The following PHF3 variants were observed in gnomAD, a reference collection of about 807,000 sequenced individuals.
PHF3 encodes the protein PHD finger protein 3.
In PHF3, 41 loss-of-function variants were observed where a neutral mutation model predicts 178.4. That is an observed-to-expected ratio of 0.23 (90% CI 0.18 to 0.30). The LOEUF (loss-of-function observed/expected upper bound fraction) is 0.30. Among genes scored for constraint, PHF3 ranks in the 10% least tolerant of loss-of-function variants. PHF3 has a pLI of 1.00. For missense variants in PHF3, 2,346 were observed against 2,398.1 expected (o/e 0.98, Z 0.45); for synonymous variants, 842 against 800.5 (o/e 1.05, Z -0.88).
chr6:63,693,955 A>G (rs185668949), intron 5 of PHF3, among the ~76,000 whole-genome samples: 40 of 152,358 alleles, frequency 2.6e-4, no homozygotes, highest in Non-Finnish European at 4.6e-4. Flanking sequence ...AACCAGACAA[A>G]TAAATAAAAA....
chr6:63,714,963 A>C lies in PHF3; in HGVS notation c.*1255A>C, dbSNP rs937618179. ...CATGGTTTTGATGGCTGTAATTTAA[A>C]GTAAGAGCTATCAAATGATGCTGAC... On this transcript the variant is annotated 3_prime_UTR_variant, in exon 16 of 16. Transcript: ENST00000262043. 2 of 151,994 alleles carry C rather than the reference A, an allele frequency of 1.3e-5. No individual in the cohort carries two copies. Among genetic ancestry groups the C allele is most frequent in the African/African-American group, 2.4e-5 (1 of 41,458 alleles). The allele number at this position is 151,994 out of a possible 1,614,324, so 9.4% of individuals were successfully genotyped here.
intron 2 of PHF3, among the ~76,000 whole-genome samples, chr6:63,670,219 C>CAT (rs1417925375): frequency 1.3e-5 from 2 of 152,118 alleles, no homozygotes; most frequent in Non-Finnish European, 2.9e-5. Flanking sequence ...CTGACTTCTG[C>CAT]ATGGGTTAGT....
At position 63,713,520 on chromosome 6, in the gene PHF3, G is replaced by A. The variant is rs1768064637; in HGVS notation, c.5932G>A (p.Asp1978Asn). Residue 1978 changes from aspartate to asparagine, a missense_variant, in exon 16 of 16, where the codon GAT becomes AAT. By Grantham distance (23) the Asp-to-Asn change is conservative. Coordinates refer to ENST00000262043, the MANE Select transcript of PHF3 (RefSeq NM_001370348.2). ...AGAGAGGGCACGGTTATCACATGGT[G>A]ATCGAGGAACAGATGGAAAAGCAAG... is the stretch of plus-strand genomic sequence containing the variant. ...DKERARLSHG[D>N]RGTDGKASRD... is the part of the protein sequence containing the mutation. The A allele has an allele frequency of 3.7e-6, 6 of 1,613,642 alleles. No homozygotes were observed. Among genetic ancestry groups the A allele is most frequent in the Non-Finnish European group, 4.2e-6 (5 of 1,179,924 alleles).
At chr6:63,707,793 C>G (rs570143852) in intron 13 of PHF3, among the ~76,000 whole-genome samples, 6 of 150,784 alleles carry the variant, frequency 4.0e-5, no homozygotes, top group African/African-American at 1.5e-4. Context: ...TAGTTTAATT[C>G]AATGTAATAC....
rs1013804511 is a variant in PHF3, at chr6:63,724,732, G to A, written c.*11024G>A. ...GTTTTAAATTTTACACTACTTGAGAGTACTCAAATTATTAACCTCTAAAGA... is the reference window on the plus strand; with the variant it reads ...GTTTTAAATTTTACACTACTTGAGAATACTCAAATTATTAACCTCTAAAGA... On this transcript the variant is annotated 3_prime_UTR_variant, in exon 16 of 16. Coordinates refer to ENST00000262043, the MANE Select transcript of PHF3 (RefSeq NM_001370348.2). 2.6e-5 allele frequency among the ~76,000 whole-genome samples: 4 copies of A among 151,996 alleles called. No individual in the cohort carries two copies. The highest frequency in any genetic ancestry group is 1.3e-4 in the Admixed American group (2 of 15,260).
At chr6:63,669,724 A>T (rs566086074) in intron 2 of PHF3, among the ~76,000 whole-genome samples, 9 of 152,178 alleles carry the variant, frequency 5.9e-5, no homozygotes, top group Non-Finnish European at 1.2e-4. Flanking sequence ...GATGTAAGGG[A>T]TTACCCATTC....
Position 63,712,004 on chromosome 6 carries a change from C to T in PHF3, c.4416C>T (p.Ser1472=), listed in dbSNP as rs1297248506. The T allele has an allele frequency of 6.2e-7, 1 of 1,613,602 alleles. No homozygotes were observed. Among genetic ancestry groups the T allele is most frequent in the East Asian group, 2.2e-5 (1 of 44,854 alleles). The change falls in exon 16 of 16, where the codon AGC becomes AGT. Residue 1472 remains serine (S), a synonymous_variant. Transcript: ENST00000262043. ...TTCCTGTGGATGATATACTTCAAAG[C>T]CTTTTGGGCACCACTGGTCAAGTAT... is the stretch of plus-strand genomic sequence containing the variant. ...KPLPVDDILQ[S]LLGTTGQVYD...
intron 12 of PHF3, 29 bp from the exon 13 acceptor site, chr6:63,706,700 T>A: frequency 6.2e-7 from 1 of 1,608,266 alleles, no homozygotes; most frequent in East Asian, 2.2e-5. Context: ...CATCAGCTTG[T>A]CTTTAGGCTT....
At chr6:63,638,020 C>G (rs1229550168) in intron 1 of PHF3, among the ~76,000 whole-genome samples, 6 of 152,072 alleles carry the variant, frequency 3.9e-5, no homozygotes, top group African/African-American at 1.4e-4. Flanking sequence ...TCATGTTGAT[C>G]TTATGGTATA....
At position 63,692,008 on chromosome 6, in the gene PHF3, G is replaced by A; in HGVS notation, c.2461G>A (p.Asp821Asn). ...AAATGATAGAACCAAATATATAGAT[G>A]ATACAGTGAAGCACAAGGTCAAAAT... Reference protein sequence around the residue: ...TTNDRTKYIDDTVKHKVKILK... With the variant: ...TTNDRTKYIDNTVKHKVKILK... Residue 821 changes from aspartate to asparagine, a missense_variant, in exon 5 of 16, where the codon GAT (aspartate) becomes AAT (asparagine). Asp to Asn is a conservative substitution (Grantham distance 23). This residue lies in a region of PHF3 where 252 missense variants were observed against 232.0 expected (regional missense o/e 1.09). Transcript: ENST00000262043. 2 of 1,611,648 alleles carry A rather than the reference G, an allele frequency of 1.2e-6. No individual in the cohort carries two copies. Among genetic ancestry groups the A allele is most frequent in the Non-Finnish European group, 1.7e-6 (2 of 1,179,062 alleles).
chr6:63,705,906 AGGAAATGTAT>A, intron 11 of PHF3, 113 bp from the exon 12 acceptor site: 1 of 691,154 alleles, frequency 1.4e-6, no homozygotes, highest in Non-Finnish European at 2.4e-6. Context: ...ATATAACCCC[AGGAAATGTAT>A]GGTTACTCAG....
At chr6:63,703,023 A>G (rs1197893222) in intron 10 of PHF3, among the ~76,000 whole-genome samples, 2 of 152,170 alleles carry the variant, frequency 1.3e-5, no homozygotes, top group Admixed American at 6.5e-5. Context: ...GATTACAGGC[A>G]TGCGCCAATA....
Position 63,646,656 on chromosome 6 carries a change from T to C in PHF3, c.105T>C (p.Ser35=), listed in dbSNP as rs1764795497. The change falls in exon 2 of 16, where the codon AGT becomes AGC. Residue 35 remains serine (S), a synonymous_variant. Coordinates refer to ENST00000262043, the MANE Select transcript of PHF3 (RefSeq NM_001370348.2). ...NLENEVCEDF[S]ASQNVLEDSL... is the part of the protein sequence containing the mutation. Reference sequence around the variant, plus strand: ...AGAATGAAGTCTGTGAGGATTTTAGTGCAAGTCAAAATGTCTTAGAGGACT... The same window carrying C: ...AGAATGAAGTCTGTGAGGATTTTAGCGCAAGTCAAAATGTCTTAGAGGACT... 6.2e-7 allele frequency: 1 copy of C among 1,613,826 alleles called. No individual in the cohort carries two copies. The highest frequency in any genetic ancestry group is 8.5e-7 in the Non-Finnish European group (1 of 1,179,982).
At chr6:63,679,426 G>T (rs1766327241) in intron 2 of PHF3, among the ~76,000 whole-genome samples, 1 of 151,840 alleles carries the variant, frequency 6.6e-6, no homozygotes, top group South Asian at 2.1e-4. Context: ...GCATTTGGGG[G>T]AAGGGGAAGT....
rs368491385 is a variant in PHF3 at position 63,684,467 on chromosome 6, C to G, written c.745C>G (p.Pro249Ala). The part of the protein sequence containing the change: ...KCNNPGEIDV[P>A]SHELNCSLLS... ...TAATAATCCGGGAGAAATAGATGTG[C>G]CATCTCATGAATTAAATTGTTCACT... Residue 249 changes from proline to alanine, a missense_variant, in exon 4 of 16, where the codon CCA becomes GCA. This residue lies in a region of PHF3 where 843 missense variants were observed against 795.2 expected (regional missense o/e 1.06). Coordinates refer to ENST00000262043, the MANE Select transcript of PHF3 (RefSeq NM_001370348.2). 301 of 1,612,974 alleles carry G rather than the reference C, an allele frequency of 1.9e-4. 1 individual carries two copies. In the South Asian group the frequency reaches 3.0e-3, roughly 16 times the overall value.
At chr6:63,664,865 C>T (rs980056708) in intron 2 of PHF3, among the ~76,000 whole-genome samples, 1 of 151,552 alleles carries the variant, frequency 6.6e-6, no homozygotes, top group Non-Finnish European at 1.5e-5. Flanking sequence ...ACAATAACTA[C>T]AATAATAGAA....
At chr6:63,700,927 G>T (rs1767448483) in intron 9 of PHF3, among the ~76,000 whole-genome samples, 1 of 151,972 alleles carries the variant, frequency 6.6e-6, no homozygotes, top group African/African-American at 2.4e-5. Flanking sequence ...AATTCTGTTG[G>T]TTTCTCTGAT....
chr6:63,642,743 T>G (rs931545331), intron 1 of PHF3, among the ~76,000 whole-genome samples: 3 of 152,136 alleles, frequency 2.0e-5, no homozygotes, highest in African/African-American at 7.2e-5. Flanking sequence ...GAATGCCAAA[T>G]ATAGGAAAGC....
Position 63,650,771 on chromosome 6 carries a change from A to G in PHF3, c.244+3976A>G, listed in dbSNP as rs187193042. Among the ~76,000 whole-genome samples, 4 of 152,262 alleles carry G rather than the reference A, an allele frequency of 2.6e-5. No homozygotes were observed. The East Asian group carries it at 7.7e-4, about 29-fold the overall frequency. ...GGTTTGGTGTACCAGTGTGTCACAG[A>G]TTTGTTTAAAAAGTTTTGGGTTTTA... On this transcript the variant is annotated intron_variant, in intron 2 of 15. Coordinates refer to ENST00000262043, the MANE Select transcript of PHF3 (RefSeq NM_001370348.2).
Sources: gnomAD v4.1 joint callset for allele counts (sites outside exome capture counted in the v4.1 genomes callset) on GRCh38, gnomAD v4.1.1 for gene constraint, gnomAD v4.1.1 regional missense constraint, MANE v1.5 for transcripts, NCBI Gene and HGNC (gene_info 2026-07-23, HGNC 2026-07-21) for gene names.